Variants in SLCO3A1 observed in about 807,000 individuals in gnomAD.
The protein encoded by SLCO3A1 is solute carrier organic anion transporter family member 3A1, also known as PGE1 transporter.
A neutral mutation model predicts 63.1 loss-of-function variants in SLCO3A1; 27 were observed. The observed-to-expected ratio is 0.43, with a 90% CI of 0.32 to 0.59. The LOEUF (loss-of-function observed/expected upper bound fraction) is 0.59. Among genes scored for constraint, SLCO3A1 ranks in the 20% least tolerant of loss-of-function variants. The probability of loss-of-function intolerance (pLI) is 0.09; values close to 1 mark genes in which losing one functional copy is unlikely to be tolerated. For synonymous variants in SLCO3A1, 473 were observed against 409.9 expected (o/e 1.15, Z -1.86); for missense variants, 773 against 945.8 (o/e 0.82, Z 2.40).
chr15:92,142,966 C>T (rs996455655), intron 7 of SLCO3A1, among the ~76,000 whole-genome samples: 2 of 152,058 alleles, frequency 1.3e-5, no homozygotes, highest in Non-Finnish European at 2.9e-5. Flanking sequence ...CCAAAGAAAG[C>T]TCACCGATCA....
chr15:92,169,697 C>G (rs908083259), downstream of SLCO3A1, among the ~76,000 whole-genome samples: 3 of 152,238 alleles, frequency 2.0e-5, no homozygotes, highest in Admixed American at 2.0e-4. Context: ...ATGCCTGGCA[C>G]CCCTGTAGTC....
chr15:92,017,538 G>A (rs1201129494), intron 2 of SLCO3A1, among the ~76,000 whole-genome samples: 1 of 152,074 alleles, frequency 6.6e-6, no homozygotes, highest in Non-Finnish European at 1.5e-5. Flanking sequence ...GGGTGTAGAG[G>A]TGGATATTTA....
chr15:91,859,435 T>G lies in SLCO3A1; in HGVS notation c.180+5347T>G, dbSNP rs1896998906. Among the ~76,000 whole-genome samples, 1 of 152,226 alleles carries G rather than the reference T, an allele frequency of 6.6e-6. No homozygotes were observed. Among genetic ancestry groups the G allele is most frequent in the African/African-American group, 2.4e-5 (1 of 41,456 alleles). ...TGATGTGATTCAAAGACACTTGTAT[T>G]TTATGTAGCCTAAGTGTTTATGTGT... is the stretch of plus-strand genomic sequence containing the variant. On this transcript the variant is annotated intron_variant, in intron 1 of 9. Coordinates refer to ENST00000318445, the MANE Select transcript of SLCO3A1 (RefSeq NM_013272.4). The surrounding 1 kb of genome is among the most constrained non-coding windows in gnomAD (Gnocchi z 5.1).
intron 9 of SLCO3A1, among the ~76,000 whole-genome samples, chr15:92,152,760 T>C (rs1046072702): frequency 2.6e-5 from 4 of 152,198 alleles, no homozygotes; most frequent in African/African-American, 7.2e-5. Context: ...GAAGCTAATG[T>C]TTATTGAAAA....
At position 91,968,107 on chromosome 15, in the gene SLCO3A1, G is replaced by A. The variant is rs1317924832; in HGVS notation, c.646+51649G>A. On this transcript the variant is annotated intron_variant, in intron 2 of 9. Transcript: ENST00000318445. This position sits in a 1 kb window ranked among gnomAD's most constrained non-coding sequence, Gnocchi z 4.2. Reference sequence around the variant, plus strand: ...GAAAGTACCCAGGGAAGCCACTTACGGCCTATCCATCAAAGCACAGTGCGT... The same window carrying A: ...GAAAGTACCCAGGGAAGCCACTTACAGCCTATCCATCAAAGCACAGTGCGT... 1.3e-5 allele frequency among the ~76,000 whole-genome samples: 2 copies of A among 152,028 alleles called. No individual in the cohort carries two copies. Among genetic ancestry groups the A allele is most frequent in the Non-Finnish European group, 2.9e-5 (2 of 68,008 alleles).
chr15:91,889,550 A>G (rs1172458126), intron 1 of SLCO3A1, among the ~76,000 whole-genome samples: 1 of 152,240 alleles, frequency 6.6e-6, no homozygotes, highest in African/African-American at 2.4e-5. Flanking sequence ...TTGCAAATGC[A>G]ATTGCTGTTC....
intron 2 of SLCO3A1, among the ~76,000 whole-genome samples, chr15:92,017,876 G>A (rs1323867793): frequency 2.6e-5 from 4 of 152,130 alleles, no homozygotes. Context: ...GAGTGAGATA[G>A]GGGCCCATCA....
At chr15:92,027,592 A>G (rs1335593302) in intron 2 of SLCO3A1, among the ~76,000 whole-genome samples, 1 of 152,198 alleles carries the variant, frequency 6.6e-6, no homozygotes, top group East Asian at 1.9e-4. Flanking sequence ...TGTAAGCTGC[A>G]CAGTTTGCTC....
chr15:91,996,218 ATTGT>A (rs751237273), intron 2 of SLCO3A1, among the ~76,000 whole-genome samples: 20 of 152,170 alleles, frequency 1.3e-4, no homozygotes, highest in Non-Finnish European at 2.5e-4. Context: ...GCAAATGAAA[ATTGT>A]TTAAGAAAGT....
chr15:92,120,603 C>A lies in SLCO3A1; in HGVS notation c.1148C>A (p.Thr383Asn), dbSNP rs770743587. Residue 383 changes from threonine (T) to asparagine (N), a missense_variant, in exon 5 of 10, where the codon ACC (threonine) becomes AAC (asparagine). Coordinates refer to ENST00000318445, the MANE Select transcript of SLCO3A1 (RefSeq NM_013272.4). ...TACCTGGAGCAGCAGTTTAACCTCA[C>A]CACCTCTTCTGCCAACCAGCTGCTT... Reference protein sequence around the residue: ...GKYLEQQFNLTTSSANQLLGM... With the variant: ...GKYLEQQFNLNTSSANQLLGM... The A allele has an allele frequency of 6.2e-7, 1 of 1,613,846 alleles. No homozygotes were observed. The highest frequency in any genetic ancestry group is 8.5e-7 in the Non-Finnish European group (1 of 1,179,950).
chr15:92,162,464 G>A (rs904422406), intron 9 of SLCO3A1: 26 of 340,194 alleles, frequency 7.6e-5, no homozygotes, highest in African/African-American at 3.4e-4. Context: ...CTTTCTATGT[G>A]TAAAGTTAGT....
intron 2 of SLCO3A1, among the ~76,000 whole-genome samples, chr15:91,961,893 G>A (rs1209372890): frequency 6.6e-6 from 1 of 152,218 alleles, no homozygotes; most frequent in East Asian, 1.9e-4. Flanking sequence ...CAGCACATGT[G>A]TACTGAATGA....
At position 92,165,002 on chromosome 15, in the gene SLCO3A1, G is replaced by A. The variant is rs150627226; in HGVS notation, c.*1867G>A. The A allele has an allele frequency of 0.015, 14,666 of 985,320 alleles. 128 individuals are homozygous for A. The highest frequency in any genetic ancestry group is 0.017 in the Non-Finnish European group (13,924 of 829,880). 61.0% of individuals were successfully genotyped at this position (985,320 alleles called of 1,614,324 possible). ...TTGCTTTTTCACCTTGGACACATTT[G>A]CATTTTACCCACAAGGCAAACAAAA... On this transcript the variant is annotated 3_prime_UTR_variant, in exon 10 of 10. Transcript: ENST00000318445.
At chr15:92,093,447 C>T (rs2047501284) in intron 2 of SLCO3A1, among the ~76,000 whole-genome samples, 1 of 152,232 alleles carries the variant, frequency 6.6e-6, no homozygotes, top group Admixed American at 6.5e-5. Flanking sequence ...CCCCCATGAT[C>T]TAATACCTCC....
intron 2 of SLCO3A1, among the ~76,000 whole-genome samples, chr15:91,995,617 A>T (rs1228647667): frequency 6.6e-6 from 1 of 152,156 alleles, no homozygotes; most frequent in Non-Finnish European, 1.5e-5. Context: ...GGGAGAGCAG[A>T]CAGAGCCTTG....
chr15:92,126,468 T>G (rs1225054333), intron 6 of SLCO3A1, among the ~76,000 whole-genome samples: 6 of 152,116 alleles, frequency 3.9e-5, no homozygotes, highest in Admixed American at 3.9e-4. Context: ...TGGGAAGCAC[T>G]GGGGGAGAAG....
intron 2 of SLCO3A1, among the ~76,000 whole-genome samples, chr15:91,928,459 G>A (rs4598887): frequency 0.53 from 80,271 of 151,932 alleles, 22,203 homozygotes; most frequent in African/African-American, 0.7. Flanking sequence ...TCTGGTCTCC[G>A]TTATCCCAAG....
intron 4 of SLCO3A1, among the ~76,000 whole-genome samples, chr15:92,115,520 C>G (rs551323946): frequency 2.0e-5 from 3 of 152,206 alleles, no homozygotes; most frequent in Admixed American, 2.0e-4. Flanking sequence ...TGAGCTCACA[C>G]CTGTGTGCCA....
intron 9 of SLCO3A1, among the ~76,000 whole-genome samples, chr15:92,158,626 C>G (rs890269901): frequency 6.6e-6 from 1 of 152,120 alleles, no homozygotes; most frequent in East Asian, 1.9e-4. Flanking sequence ...CAGGGACTGC[C>G]TGAGTTTTTG....
Sources: allele counts gnomAD v4.1 joint callset (sites outside exome capture counted in the v4.1 genomes callset), GRCh38; gene constraint gnomAD v4.1.1; non-coding constraint Gnocchi (gnomAD v3.1); transcripts MANE v1.5; gene names NCBI Gene and HGNC (gene_info 2026-07-23, HGNC 2026-07-21).